ZNF618: variants seen among roughly 807,000 people sequenced by gnomAD.
ZNF618 encodes neural precursor cell expressed, developmentally down-regulated 10.
ZNF618 carries 34 observed loss-of-function variants against 103.0 expected under a neutral mutation model. The ratio of observed to expected loss-of-function variants is 0.33; its 90% CI spans 0.25 to 0.44. The LOEUF is 0.44. Ranked by LOEUF, ZNF618 falls within the 20% of genes least tolerant of loss-of-function variation. The probability of loss-of-function intolerance (pLI) is 1.00; values close to 1 mark genes in which losing one functional copy is unlikely to be tolerated. For missense variants in ZNF618, 1,059 were observed against 1,295.4 expected, an observed-to-expected ratio of 0.82 and a Z score of 2.80; for synonymous variants, 551 against 542.2, an observed-to-expected ratio of 1.02 and a Z score of -0.23.
chr9:113,919,878 A>T (rs531723282), intron 1 of ZNF618, among the ~76,000 whole-genome samples: 35 of 152,390 alleles, frequency 2.3e-4, no homozygotes, highest in African/African-American at 8.2e-4. Flanking sequence ...AAAGTATCAC[A>T]GTCAACTGCA....
chr9:113,959,433 A>G (rs1311923743), intron 1 of ZNF618, among the ~76,000 whole-genome samples: 5 of 152,222 alleles, frequency 3.3e-5, no homozygotes, highest in Non-Finnish European at 5.9e-5. Context: ...AATCCACCAG[A>G]AACTGTTATA....
chr9:113,888,708 G>A (rs1587939639), intron 1 of ZNF618, among the ~76,000 whole-genome samples: 2 of 152,210 alleles, frequency 1.3e-5, no homozygotes, highest in Non-Finnish European at 2.9e-5. Flanking sequence ...AGCCCTGGAC[G>A]CTTTCCAGTC....
chr9:113,910,838 T>C (rs1056167512), intron 1 of ZNF618, among the ~76,000 whole-genome samples: 8 of 122,158 alleles, frequency 6.5e-5, no homozygotes, highest in Non-Finnish European at 1.3e-4. Flanking sequence ...TCTTTTTTTC[T>C]TTTTTTTTTT....
chr9:113,882,796 C>G (rs1474622597), intron 1 of ZNF618, among the ~76,000 whole-genome samples: 1 of 152,190 alleles, frequency 6.6e-6, no homozygotes, highest in Non-Finnish European at 1.5e-5. Context: ...GGGCCCTTGC[C>G]TCTGGTGCCC....
intron 3 of ZNF618, among the ~76,000 whole-genome samples, chr9:113,997,056 CTT>C (rs1564274128): frequency 1.3e-4 from 11 of 83,176 alleles, no homozygotes; most frequent in Non-Finnish European, 2.0e-4. Context: ...CTCTCTCTCT[CTT>C]TCTTTTTTTT....
intron 1 of ZNF618, among the ~76,000 whole-genome samples, chr9:113,888,150 C>G (rs1587937534): frequency 6.6e-6 from 1 of 152,174 alleles, no homozygotes; most frequent in Admixed American, 6.5e-5. Context: ...CCACCATATT[C>G]TAAGCTCACA....
intron 3 of ZNF618, among the ~76,000 whole-genome samples, chr9:113,992,750 A>G (rs999416618): frequency 2.6e-5 from 4 of 152,358 alleles, no homozygotes; most frequent in Non-Finnish European, 2.9e-5. Flanking sequence ...CAGTGACACA[A>G]ACATCATCCA....
At chr9:113,980,829 C>A (rs534378837) in intron 2 of ZNF618, among the ~76,000 whole-genome samples, 3 of 152,102 alleles carry the variant, frequency 2.0e-5, no homozygotes, top group African/African-American at 7.2e-5. Context: ...AGGCAGAGTC[C>A]GACGGGGACT....
intron 13 of ZNF618, among the ~76,000 whole-genome samples, chr9:114,036,908 T>G (rs1316295628): frequency 6.6e-6 from 1 of 152,172 alleles, no homozygotes. Flanking sequence ...AGCACAGATT[T>G]CTAGGCTCCA....
chr9:113,961,436 A>G (rs1336403539), intron 1 of ZNF618, among the ~76,000 whole-genome samples: 1 of 152,232 alleles, frequency 6.6e-6, no homozygotes, highest in Non-Finnish European at 1.5e-5. Context: ...CGTATCCTCC[A>G]CCGGCCAAGG....
In ZNF618 at chr9:114,050,328, G is replaced by A. The variant is rs540417943; in HGVS notation, c.*161G>A. On this transcript the variant is annotated 3_prime_UTR_variant, in exon 15 of 15. Transcript: ENST00000374126. ...GTGCTTTTTTTATATGTGTGTGTGT[G>A]CGTGTATGTACACAGCCACACGTGT... 1.5e-5 allele frequency: 12 copies of A among 807,704 alleles called. No homozygotes were observed. Among genetic ancestry groups the A allele is most frequent in the South Asian group, 9.6e-5 (5 of 52,014 alleles). 50.0% of individuals were successfully genotyped at this position (807,704 alleles called of 1,614,324 possible).
chr9:113,936,605 G>A (rs1834047052), intron 1 of ZNF618, among the ~76,000 whole-genome samples: 2 of 152,294 alleles, frequency 1.3e-5, no homozygotes, highest in South Asian at 4.1e-4. Flanking sequence ...CCCCTCTGAA[G>A]CTCGTCTGTG....
chr9:114,025,581 G>GT (rs1389103386), intron 10 of ZNF618, among the ~76,000 whole-genome samples: 5 of 152,202 alleles, frequency 3.3e-5, no homozygotes, highest in Non-Finnish European at 7.3e-5. Flanking sequence ...CAGCATGACA[G>GT]TGTTCCCTGT....
At chr9:113,973,414 C>T (rs2132929090) in intron 2 of ZNF618, among the ~76,000 whole-genome samples, 1 of 152,238 alleles carries the variant, frequency 6.6e-6, no homozygotes, top group South Asian at 2.1e-4. Flanking sequence ...CTCCAGAGGG[C>T]CTCTGGCTAA....
At chr9:114,015,159 T>G (rs566024023) in intron 9 of ZNF618, among the ~76,000 whole-genome samples, 4 of 151,724 alleles carry the variant, frequency 2.6e-5, no homozygotes, top group African/African-American at 7.3e-5. Context: ...GTTACAAAAA[T>G]TATTTAACTA....
At chr9:113,888,379 C>G (rs192004721) in intron 1 of ZNF618, among the ~76,000 whole-genome samples, 1 of 152,398 alleles carries the variant, frequency 6.6e-6, no homozygotes, top group African/African-American at 2.4e-5. Flanking sequence ...GCCCCCAGCT[C>G]CCCATGAGCC....
intron 1 of ZNF618, among the ~76,000 whole-genome samples, chr9:113,878,528 G>A (rs571380567): frequency 1.3e-5 from 2 of 152,136 alleles, no homozygotes; most frequent in Admixed American, 1.3e-4. Flanking sequence ...AATATTGACC[G>A]AATTGAAATT....
intron 10 of ZNF618, among the ~76,000 whole-genome samples, chr9:114,022,511 T>C (rs1285680657): frequency 6.6e-6 from 1 of 151,640 alleles, no homozygotes; most frequent in African/African-American, 2.4e-5. Context: ...AGAGAACATA[T>C]TCTGTATTTT....
At chr9:113,958,472 T>C (rs814680) in intron 1 of ZNF618, among the ~76,000 whole-genome samples, 89,038 of 152,106 alleles carry the variant, frequency 0.59, 26,287 homozygotes, top group East Asian at 0.71. Context: ...GCCCTTTATG[T>C]TGAGTTGATG....
Sources: gnomAD v4.1 joint callset for allele counts (sites outside exome capture counted in the v4.1 genomes callset) on GRCh38, gnomAD v4.1.1 for gene constraint, MANE v1.5 for transcripts, NCBI Gene and HGNC (gene_info 2026-07-23, HGNC 2026-07-21) for gene names.